The following DRC3 variants were observed in gnomAD, a reference collection of about 807,000 sequenced individuals.
DRC3 encodes dynein regulatory complex subunit 3, also known as leucine rich repeat containing 48.
In DRC3, 45 loss-of-function variants were observed where a neutral mutation model predicts 57.6. The observed-to-expected ratio is 0.78, with a 90% confidence interval of 0.62 to 1.00. DRC3 has a LOEUF of 1.00. Among genes scored for constraint, DRC3 ranks in the 50% least tolerant of loss-of-function variants. DRC3 has a pLI of 0.00. For missense variants in DRC3, 655 were observed against 675.2 expected, an observed-to-expected ratio of 0.97 and a Z score of 0.33; for synonymous variants, 257 against 272.3, an observed-to-expected ratio of 0.94 and a Z score of 0.55.
chr17:18,006,345 T>C, intron 11 of DRC3, 92 bp downstream of exon 11: 1 of 921,896 alleles, frequency 1.1e-6, no homozygotes, highest in South Asian at 1.4e-5. Flanking sequence ...TTCCACAGGG[T>C]CTGAGGAGGT....
At chr17:17,991,938 C>T (rs1044629654) in intron 5 of DRC3, among the ~76,000 whole-genome samples, 28 of 151,618 alleles carry the variant, frequency 1.8e-4, no homozygotes, top group African/African-American at 6.3e-4. Context: ...ACCAGGAGCT[C>T]GAGACCAGCC....
At chr17:18,007,000 C>T in intron 11 of DRC3, 24 bp from the exon 12 acceptor site, 1 of 1,611,572 alleles carries the variant, frequency 6.2e-7, no homozygotes. Context: ...TCCTCCCGGG[C>T]CTTTGCTTAA....
rs1414945896 is a variant in DRC3, at chr17:17,995,318, CAT to C, written c.824+208_824+209del. Among the ~76,000 whole-genome samples, 4 of 152,224 alleles carry C rather than the reference CAT, an allele frequency of 2.6e-5. No homozygotes were observed. In the South Asian group the frequency reaches 8.3e-4, roughly 31 times the overall value. Reference sequence around the variant, plus strand: ...GGAGATGCTGTCTGGATTTCAGGGACATGTGTAGTATCTGGTCAGCATGGCAT... The same window carrying C: ...GGAGATGCTGTCTGGATTTCAGGGACGTGTAGTATCTGGTCAGCATGGCAT... On this transcript the variant is annotated intron_variant, in intron 8 of 13. Coordinates refer to ENST00000399187, the MANE Select transcript of DRC3 (RefSeq NM_031294.4).
Position 17,977,704 on chromosome 17 carries a change from A to C in DRC3, c.106A>C (p.Lys36Gln), listed in dbSNP as rs761232481. 2 of 1,613,662 alleles carry C rather than the reference A, an allele frequency of 1.2e-6. No individual in the cohort carries two copies. The highest frequency in any genetic ancestry group is 1.7e-6 in the Non-Finnish European group (2 of 1,179,770). The change falls in exon 3 of 14, where the codon AAG becomes CAG. Residue 36 changes from lysine (K) to glutamine (Q), a missense_variant. Lys to Gln is a moderately conservative substitution (Grantham distance 53). Transcript: ENST00000399187. ...CCAGGAGGAGGCCGGGCAGCTGGCC[A>C]AGCAGGAGGGCATCCTCTTCAAGGA... ...GPQEEAGQLA[K>Q]QEGILFKDVL...
chr17:17,994,329 A>G lies in DRC3; in HGVS notation c.622A>G (p.Ser208Gly). The G allele has an allele frequency of 2.6e-6, 4 of 1,554,010 alleles. No individual in the cohort carries two copies. Among genetic ancestry groups the G allele is most frequent in the Middle Eastern group, 1.7e-4 (1 of 5,998 alleles). The change falls in exon 7 of 14, where the codon AGC becomes GGC. Residue 208 changes from serine to glycine, a missense_variant. Physicochemically the swap from Ser to Gly is moderately conservative, Grantham distance 56. Coordinates refer to ENST00000399187, the MANE Select transcript of DRC3 (RefSeq NM_031294.4). ...KKLAEAKHQY[S>G]IDELKHQENL... Reference sequence around the variant, plus strand: ...GCTTGCGGAGGCTAAGCACCAGTACAGCATCGACGAGCTGAAGCACCAGGA... The same window carrying G: ...GCTTGCGGAGGCTAAGCACCAGTACGGCATCGACGAGCTGAAGCACCAGGA...
At chr17:17,995,482 C>T in intron 8 of DRC3, 1 of 198,762 alleles carries the variant, frequency 5.0e-6, no homozygotes, top group Non-Finnish European at 1.0e-5. Flanking sequence ...CCCCACTAGG[C>T]AGGTACCATC....
At chr17:17,988,228 A>G (rs1483910927) in intron 5 of DRC3, 130 bp downstream of exon 5, 27 of 1,009,546 alleles carry the variant, frequency 2.7e-5, no homozygotes, top group Non-Finnish European at 3.8e-5. Context: ...TGGAAAAGCC[A>G]GGAATCTGGA....
intron 5 of DRC3, among the ~76,000 whole-genome samples, chr17:17,989,746 C>T (rs542347326): frequency 2.0e-5 from 3 of 152,310 alleles, no homozygotes; most frequent in Non-Finnish European, 2.9e-5. Flanking sequence ...ATTTGATTCC[C>T]GCAACAGCTG....
intron 9 of DRC3, among the ~76,000 whole-genome samples, chr17:18,002,882 G>T (rs770140059): frequency 1.3e-5 from 2 of 152,104 alleles, no homozygotes; most frequent in Non-Finnish European, 2.9e-5. Context: ...AGCTTATCAG[G>T]GTCACTGACT....
Position 17,994,133 on chromosome 17 carries a change from G to A in DRC3, c.592-166G>A, listed in dbSNP as rs1568493742. On this transcript the variant is annotated intron_variant, in intron 6 of 13. Transcript: ENST00000399187. ...CCTGGTGAGGGTCATCAGGAGATGG[G>A]CATTCTCATCCACGAGACCTCATGG... 32 of 835,482 alleles carry A rather than the reference G, an allele frequency of 3.8e-5. No homozygotes were observed. The South Asian group carries it at 4.5e-4, about 12-fold the overall frequency. 51.8% of individuals were successfully genotyped at this position (835,482 alleles called of 1,614,324 possible). A position where few individuals can be genotyped will look rare whatever the true frequency, so the allele number is the denominator to read the frequency against.
chr17:17,997,876 C>T (rs1597609065), intron 9 of DRC3, among the ~76,000 whole-genome samples: 1 of 152,150 alleles, frequency 6.6e-6, no homozygotes, highest in African/African-American at 2.4e-5. Flanking sequence ...GGGTCTTTGT[C>T]ACACAAAGTG....
At chr17:17,991,408 A>G (rs561215454) in intron 5 of DRC3, among the ~76,000 whole-genome samples, 1 of 144,416 alleles carries the variant, frequency 6.9e-6, no homozygotes, top group Admixed American at 7.4e-5. Context: ...CTCCTGCCTC[A>G]GCCTCCCAAG....
rs370425560 is a variant in DRC3 at position 17,995,004 on chromosome 17, G to A, written c.717G>A (p.Ala239=). 2.0e-5 allele frequency: 32 copies of A among 1,613,784 alleles called. No individual in the cohort carries two copies. The Middle Eastern group carries it at 5.0e-4, about 25-fold the overall frequency. Residue 239 remains alanine (A), a synonymous_variant, in exon 8 of 14, where the codon GCG becomes GCA. Transcript: ENST00000399187. ...ACGTGTGTTTCTGCCTGCAGACTGCGTTTGTGGAACACCTGAATGGCTCCT... is the reference window on the plus strand; with the variant it reads ...ACGTGTGTTTCTGCCTGCAGACTGCATTTGTGGAACACCTGAATGGCTCCT... The part of the protein sequence containing the change: ...QREELEKHKT[A]FVEHLNGSFL...
At chr17:17,993,097 C>T (rs1386606143) in intron 6 of DRC3, 186 bp downstream of exon 6, 4 of 635,254 alleles carry the variant, frequency 6.3e-6, no homozygotes, top group African/African-American at 3.7e-5. Context: ...CTTGTAAGTA[C>T]TGTTTTGTGT....
chr17:17,999,961 T>C (rs1213333915), intron 9 of DRC3, among the ~76,000 whole-genome samples: 4 of 152,034 alleles, frequency 2.6e-5, no homozygotes, highest in Non-Finnish European at 5.9e-5. Context: ...TAGCATGCCC[T>C]ATTCTGTACT....
chr17:17,991,895 C>G (rs1018606790), intron 5 of DRC3, among the ~76,000 whole-genome samples: 1 of 152,114 alleles, frequency 6.6e-6, no homozygotes, highest in Non-Finnish European at 1.5e-5. Flanking sequence ...AATCCCAGCA[C>G]TTTGGGAGGC....
rs943863696 is a variant in DRC3 at position 18,003,941 on chromosome 17, GC to G, written c.1000-421del. Among the ~76,000 whole-genome samples, 110 of 151,926 alleles carry G rather than the reference GC, an allele frequency of 7.2e-4. 1 individual carries two copies. The highest frequency in any genetic ancestry group is 2.5e-3 in the African/African-American group (103 of 41,450). On this transcript the variant is annotated intron_variant, in intron 9 of 13. Coordinates refer to ENST00000399187, the MANE Select transcript of DRC3 (RefSeq NM_031294.4). ...GCTGGGATTACAGGCATAAGCCACT[GC>G]TCCCGGCCTTTAAGTATCTTTAACT...
Position 18,016,686 on chromosome 17 carries a change from C to T in DRC3, c.*15C>T, listed in dbSNP as rs1480889620. On this transcript the variant is annotated 3_prime_UTR_variant, in exon 14 of 14. Transcript: ENST00000399187. Reference sequence around the variant, plus strand: ...TCCTAGACTAGATGAATGTCAGCCACAGGAGCTTCTTCAAAACATAGCACC... The same window carrying T: ...TCCTAGACTAGATGAATGTCAGCCATAGGAGCTTCTTCAAAACATAGCACC... The T allele has an allele frequency of 1.3e-6, 2 of 1,554,250 alleles. No homozygotes were observed. The highest frequency in any genetic ancestry group is 2.7e-5 in the African/African-American group (2 of 73,744).
intron 3 of DRC3, among the ~76,000 whole-genome samples, chr17:17,983,188 C>T (rs1597558633): frequency 1.3e-5 from 2 of 152,162 alleles, no homozygotes; most frequent in South Asian, 4.1e-4. Flanking sequence ...GAACCTGCCT[C>T]GTTCTTGCAT....
Sources: allele counts gnomAD v4.1 joint callset (sites outside exome capture counted in the v4.1 genomes callset), GRCh38; gene constraint gnomAD v4.1.1; transcripts MANE v1.5; gene names NCBI Gene and HGNC (gene_info 2026-07-23, HGNC 2026-07-21).